The following MAP3K5 variants were observed in gnomAD, a reference collection of about 807,000 sequenced individuals.
MAP3K5 encodes the protein ASK-1.
A neutral mutation model predicts 158.7 loss-of-function variants in MAP3K5; 56 were observed. The observed-to-expected ratio is 0.35, with a 90% CI of 0.28 to 0.44. MAP3K5 has a LOEUF of 0.44. Ranked by LOEUF, MAP3K5 falls within the 20% of genes least tolerant of loss-of-function variation. The pLI is 1.00. For missense variants in MAP3K5, 1,294 were observed against 1,674.8 expected (o/e 0.77, Z 3.97); for synonymous variants, 579 against 601.7 (o/e 0.96, Z 0.55).
chr6:136,656,445 A>C lies in MAP3K5; in HGVS notation c.1542T>G (p.Ile514Met). The change falls in exon 10 of 30, where the codon ATT becomes ATG. Residue 514 changes from isoleucine (I) to methionine (M), a missense_variant. Coordinates refer to ENST00000359015, the MANE Select transcript of MAP3K5 (RefSeq NM_005923.4). ...LKTPAWYLKS[I>M]VETILIYKHF... Reference sequence around the variant, plus strand: ...GCTTATATATTAAAATTGTCTCTACAATAGACTTGAGGTACCTGAGAAGGA... The same window carrying C: ...GCTTATATATTAAAATTGTCTCTACCATAGACTTGAGGTACCTGAGAAGGA... 2 of 1,585,352 alleles carry C rather than the reference A, an allele frequency of 1.3e-6. No homozygotes were observed. Among genetic ancestry groups the C allele is most frequent in the Non-Finnish European group, 1.7e-6 (2 of 1,167,370 alleles).
At chr6:136,651,711 A>G (rs1192951256) in intron 10 of MAP3K5, among the ~76,000 whole-genome samples, 11 of 152,186 alleles carry the variant, frequency 7.2e-5, no homozygotes, top group Admixed American at 6.5e-4. Context: ...TTAGCCTTGT[A>G]AGAGAAAAAG....
intron 2 of MAP3K5, among the ~76,000 whole-genome samples, chr6:136,716,750 T>C (rs186017824): frequency 2.0e-5 from 3 of 152,290 alleles, no homozygotes; most frequent in African/African-American, 7.2e-5. Flanking sequence ...TTTAAACCAA[T>C]GTAAATATTG....
intron 15 of MAP3K5, among the ~76,000 whole-genome samples, chr6:136,617,652 C>T (rs1468248392): frequency 2.6e-5 from 4 of 151,894 alleles, no homozygotes; most frequent in East Asian, 1.9e-4. Flanking sequence ...AACCAGTCCA[C>T]GGCCGGTGCA....
intron 3 of MAP3K5, among the ~76,000 whole-genome samples, chr6:136,702,114 G>T (rs1185480355): frequency 6.6e-6 from 1 of 151,992 alleles, no homozygotes; most frequent in Non-Finnish European, 1.5e-5. Flanking sequence ...GCATGCTAAG[G>T]GTTTTCCCAA....
Position 136,676,665 on chromosome 6 carries a change from G to A in MAP3K5, c.1254-7270C>T, listed in dbSNP as rs369105484. On this transcript the variant is annotated intron_variant, in intron 7 of 29. Transcript: ENST00000359015. ...TTTTTTTTCATTCTATCACTAAAAA[G>A]CATATTGGCTTGAAGCTTAGTCATA... Among the ~76,000 whole-genome samples the A allele has an allele frequency of 2.0e-3, 296 of 151,628 alleles. 1 individual carries two copies. Among genetic ancestry groups the A allele is most frequent in the Middle Eastern group, 0.014 (4 of 292 alleles).
intron 20 of MAP3K5, among the ~76,000 whole-genome samples, chr6:136,601,365 C>T (rs917240511): frequency 3.3e-5 from 5 of 151,982 alleles, no homozygotes; most frequent in Non-Finnish European, 7.4e-5. Flanking sequence ...GAAGTATATA[C>T]CCTAAGAGGC....
At chr6:136,616,742 G>A (rs1562550298) in intron 15 of MAP3K5, among the ~76,000 whole-genome samples, 1 of 151,724 alleles carries the variant, frequency 6.6e-6, no homozygotes, top group East Asian at 2.0e-4. Flanking sequence ...TGATGATGAT[G>A]ATTTGAGACA....
At chr6:136,607,237 G>C (rs965833582) in intron 18 of MAP3K5, among the ~76,000 whole-genome samples, 2 of 152,150 alleles carry the variant, frequency 1.3e-5, no homozygotes, top group Non-Finnish European at 2.9e-5. Context: ...ATTAATGAGA[G>C]AATTTAAGTT....
chr6:136,608,681 T>C (rs1047870107), intron 18 of MAP3K5, among the ~76,000 whole-genome samples: 2 of 152,204 alleles, frequency 1.3e-5, no homozygotes, highest in Admixed American at 6.5e-5. Flanking sequence ...GGGCAAGTTA[T>C]TCAACCTCTT....
chr6:136,641,470 T>C (rs9385770), intron 12 of MAP3K5, among the ~76,000 whole-genome samples: 85,108 of 151,900 alleles, frequency 0.56, 24,931 homozygotes, highest in South Asian at 0.71. Context: ...AATAGAACAA[T>C]TATTTAAAGA....
At chr6:136,564,934 A>G (rs1215841866) in intron 26 of MAP3K5, among the ~76,000 whole-genome samples, 1 of 152,184 alleles carries the variant, frequency 6.6e-6, no homozygotes, top group Non-Finnish European at 1.5e-5. Flanking sequence ...CTTTCTGCAC[A>G]CTTCTGATTT....
In MAP3K5 at chr6:136,558,888, G is replaced by A. The variant is rs766324364; in HGVS notation, c.3988-12C>T. The A allele has an allele frequency of 7.2e-7, 1 of 1,389,226 alleles. No individual in the cohort carries two copies. The highest frequency in any genetic ancestry group is 2.3e-5 in the East Asian group (1 of 43,588). The allele number at this position is 1,389,226 out of a possible 1,614,324, so 86.1% of individuals were successfully genotyped here. ...TCTTCAGCCAAAAACTGTAGAGAAAGTAGAATATGCACAAAAGATGTTTTA... is the reference window on the plus strand; with the variant it reads ...TCTTCAGCCAAAAACTGTAGAGAAAATAGAATATGCACAAAAGATGTTTTA... On this transcript the variant is annotated splice_polypyrimidine_tract_variant and intron_variant, in intron 28 of 29. Transcript: ENST00000359015.
In MAP3K5 at chr6:136,695,950, C is replaced by T; in HGVS notation, c.1082+1G>A. The T allele has an allele frequency of 2.5e-6, 4 of 1,595,436 alleles. No individual in the cohort carries two copies. The highest frequency in any genetic ancestry group is 3.4e-6 in the Non-Finnish European group (4 of 1,165,934). On this transcript the variant is annotated splice_donor_variant, in intron 6 of 29. Transcript: ENST00000359015. LOFTEE classifies it high-confidence loss of function. The stretch of plus-strand genomic sequence containing the variant: ...TCTGGAAGGGAACTTTTTCTTCTTA[C>T]CTATTCAGTGCAAATGCATAATGAA...
At chr6:136,614,334 A>G in intron 15 of MAP3K5, 48 bp from the exon 16 acceptor site, 1 of 1,591,790 alleles carries the variant, frequency 6.3e-7, no homozygotes, top group Admixed American at 1.7e-5. Flanking sequence ...GCCAGACTTT[A>G]CTGTATAAAT....
rs1343435402 is a variant in MAP3K5, at chr6:136,592,351, T to G, written c.3057-10A>C. ...ATTCTCATCTGGAATGCTGAGAAAA[T>G]TTATGCAGCATAAATCACAGTTCCC... On this transcript the variant is annotated splice_polypyrimidine_tract_variant and intron_variant, in intron 22 of 29. Coordinates refer to ENST00000359015, the MANE Select transcript of MAP3K5 (RefSeq NM_005923.4). The G allele has an allele frequency of 6.3e-7, 1 of 1,588,694 alleles. No individual in the cohort carries two copies. The highest frequency in any genetic ancestry group is 8.6e-7 in the Non-Finnish European group (1 of 1,166,562).
chr6:136,591,236 T>C (rs1205896565), intron 23 of MAP3K5, among the ~76,000 whole-genome samples: 1 of 152,242 alleles, frequency 6.6e-6, no homozygotes, highest in South Asian at 2.1e-4. Context: ...ATTAGTAGCA[T>C]GAGAACAGAC....
chr6:136,612,087 A>G (rs1250587567), intron 17 of MAP3K5, among the ~76,000 whole-genome samples: 1 of 152,140 alleles, frequency 6.6e-6, no homozygotes, highest in Non-Finnish European at 1.5e-5. Flanking sequence ...CCACACCCCT[A>G]TAATTACATC....
chr6:136,685,913 G>A (rs1264998424), intron 7 of MAP3K5, among the ~76,000 whole-genome samples: 1 of 152,172 alleles, frequency 6.6e-6, no homozygotes, highest in East Asian at 1.9e-4. Flanking sequence ...TGACAGGGCA[G>A]GTTTCCTTCT....
At chr6:136,633,057 T>C (rs1777448726) in intron 14 of MAP3K5, among the ~76,000 whole-genome samples, 4 of 152,110 alleles carry the variant, frequency 2.6e-5, no homozygotes, top group Admixed American at 2.6e-4. Context: ...TTTATACCAA[T>C]CTTGAATATT....
Sources: allele counts gnomAD v4.1 joint callset (sites outside exome capture counted in the v4.1 genomes callset), GRCh38; gene constraint gnomAD v4.1.1; transcripts MANE v1.5; gene names NCBI Gene and HGNC (gene_info 2026-07-23, HGNC 2026-07-21).